USP37: variants seen among roughly 807,000 people sequenced by gnomAD.
USP37 encodes ubiquitin specific peptidase 37.
In USP37, 27 loss-of-function variants were observed where a neutral mutation model predicts 124.0. The observed-to-expected ratio is 0.22, with a 90% CI of 0.16 to 0.30. The LOEUF is 0.30. Ranked by LOEUF, USP37 falls within the 10% of genes least tolerant of loss-of-function variation. The probability of loss-of-function intolerance (pLI) is 1.00; values close to 1 mark genes in which losing one functional copy is unlikely to be tolerated. For missense variants in USP37, 889 were observed against 1,140.4 expected, an observed-to-expected ratio of 0.78 and a Z score of 3.17; for synonymous variants, 365 against 388.0, an observed-to-expected ratio of 0.94 and a Z score of 0.70.
At chr2:218,535,147 C>T (rs1409940591) in intron 8 of USP37, among the ~76,000 whole-genome samples, 1 of 150,920 alleles carries the variant, frequency 6.6e-6, no homozygotes, top group Non-Finnish European at 1.5e-5. Context: ...GGGCAGATCG[C>T]GAGGTCAGGA....
In USP37 at chr2:218,451,572, T is replaced by TTATACATC. The variant is rs3046871; in HGVS notation, c.*3357_*3358insGATGTATA. 6.6e-6 allele frequency: 1 copy of TTATACATC among 152,094 alleles called. No individual in the cohort carries two copies. Among genetic ancestry groups the TTATACATC allele is most frequent in the African/African-American group, 2.4e-5 (1 of 41,402 alleles). The allele number at this position is 152,094 out of a possible 1,614,324, so 9.4% of individuals were successfully genotyped here. A position where few individuals can be genotyped will look rare whatever the true frequency, so the allele number is the denominator to read the frequency against. ...TTTAGGTGTTTGCAGATAATTTTCA[T>TTATACATC]TATATCCGTAGCTGTATGTGTGTAT... On this transcript the variant is annotated 3_prime_UTR_variant, in exon 26 of 26. Coordinates refer to ENST00000258399, the MANE Select transcript of USP37 (RefSeq NM_020935.3).
intron 20 of USP37, among the ~76,000 whole-genome samples, chr2:218,468,137 C>T (rs1690466845): frequency 6.6e-6 from 1 of 151,716 alleles, no homozygotes; most frequent in African/African-American, 2.4e-5. Flanking sequence ...GATCCGCCCA[C>T]CTCGGCCTCC....
At chr2:218,485,578 T>A in intron 16 of USP37, 86 bp downstream of exon 16, 1 of 1,401,176 alleles carries the variant, frequency 7.1e-7, no homozygotes, top group Admixed American at 2.6e-5. Context: ...TTGTATGAAC[T>A]TTAAAAAGAA....
chr2:218,550,399 T>C (rs1692596697), intron 5 of USP37, among the ~76,000 whole-genome samples: 1 of 151,942 alleles, frequency 6.6e-6, no homozygotes, highest in South Asian at 2.1e-4. Flanking sequence ...ATTCAAGGTA[T>C]TGTATAAATA....
chr2:218,460,268 A>G (rs1689940569), intron 22 of USP37, among the ~76,000 whole-genome samples: 1 of 151,946 alleles, frequency 6.6e-6, no homozygotes, highest in Non-Finnish European at 1.5e-5. Flanking sequence ...CAAAAAAAAA[A>G]AAAGTTCTTG....
At chr2:218,494,454 G>A (rs1278082429) in intron 14 of USP37, among the ~76,000 whole-genome samples, 1 of 152,178 alleles carries the variant, frequency 6.6e-6, no homozygotes, top group Admixed American at 6.5e-5. Flanking sequence ...ATAACTAGAT[G>A]TAAACTAGTG....
chr2:218,450,695 C>G lies in USP37; in HGVS notation c.*4235G>C, dbSNP rs971836713. 1.3e-5 allele frequency: 2 copies of G among 152,256 alleles called. No homozygotes were observed. Among genetic ancestry groups the G allele is most frequent in the African/African-American group, 4.8e-5 (2 of 41,450 alleles). 9.4% of individuals were successfully genotyped at this position (152,256 alleles called of 1,614,324 possible). A position where few individuals can be genotyped will look rare whatever the true frequency, so the allele number is the denominator to read the frequency against. On this transcript the variant is annotated 3_prime_UTR_variant, in exon 26 of 26. Coordinates refer to ENST00000258399, the MANE Select transcript of USP37 (RefSeq NM_020935.3). ...TTTTGAAGTAGACCAGTTTAGTTGA[C>G]TGTTCTTCTTTGTTCTGGCATCTGA...
At chr2:218,471,516 CTA>C (rs1270812142) in intron 20 of USP37, among the ~76,000 whole-genome samples, 3 of 152,172 alleles carry the variant, frequency 2.0e-5, no homozygotes, top group Non-Finnish European at 1.5e-5. Context: ...ATTCATATCT[CTA>C]GTCTGAATTT....
rs1466723341 is a variant in USP37, at chr2:218,530,018, T to A, written c.801A>T (p.Ser267=). 1 of 1,612,718 alleles carries A rather than the reference T, an allele frequency of 6.2e-7. No individual in the cohort carries two copies. The highest frequency in any genetic ancestry group is 1.1e-5 in the South Asian group (1 of 90,956). Residue 267 remains serine (S), a synonymous_variant, in exon 10 of 26, where the codon TCA becomes TCT. Transcript: ENST00000258399. ...RTSGLLPLQS[S]SFYGSRAGSK... ...ATCCAGCTCTGCTACCATAAAAGGA[T>A]GATGACTGTAAAGGTAAAAGCCCTA...
rs538023275 is a variant in USP37, at chr2:218,565,261, C to A, written c.-229-2448G>T. On this transcript the variant is annotated intron_variant, in intron 1 of 25. Coordinates refer to ENST00000258399, the MANE Select transcript of USP37 (RefSeq NM_020935.3). ...TTCTTTGTCATTCACCAACAACTGA[C>A]TTAAATATGGAATTTTGCTTTATTT... is the stretch of plus-strand genomic sequence containing the variant. 3.9e-5 allele frequency among the ~76,000 whole-genome samples: 6 copies of A among 152,282 alleles called. 1 individual carries two copies. In the South Asian group the frequency reaches 1.2e-3, roughly 32 times the overall value.
chr2:218,538,113 C>T (rs558550249), intron 8 of USP37, among the ~76,000 whole-genome samples: 3 of 152,286 alleles, frequency 2.0e-5, no homozygotes, highest in South Asian at 2.1e-4. Context: ...CAAGCTGAAA[C>T]GAGGAATAAA....
intron 6 of USP37, 110 bp downstream of exon 6, chr2:218,549,699 G>C: frequency 1.1e-6 from 1 of 911,812 alleles, no homozygotes; most frequent in Non-Finnish European, 1.6e-6. Flanking sequence ...TCCTGACCTC[G>C]GGTGATCCAC....
At chr2:218,535,364 T>G (rs1691567348) in intron 8 of USP37, among the ~76,000 whole-genome samples, 1 of 145,190 alleles carries the variant, frequency 6.9e-6, no homozygotes, top group Non-Finnish European at 1.5e-5. Flanking sequence ...AGTCTTAGTC[T>G]TAAAAAAAAA....
intron 11 of USP37, among the ~76,000 whole-genome samples, chr2:218,506,007 G>A (rs1689659677): frequency 6.6e-6 from 1 of 151,868 alleles, no homozygotes; most frequent in South Asian, 2.1e-4. Flanking sequence ...GGGACCAGAG[G>A]TGCACGCCAC....
At chr2:218,560,564 T>G (rs1036098063) in intron 3 of USP37, among the ~76,000 whole-genome samples, 3 of 152,202 alleles carry the variant, frequency 2.0e-5, no homozygotes, top group Non-Finnish European at 4.4e-5. Flanking sequence ...AAATACAATG[T>G]TAACAGGAGT....
intron 4 of USP37, among the ~76,000 whole-genome samples, chr2:218,557,148 C>A (rs1463293620): frequency 6.6e-6 from 1 of 152,204 alleles, no homozygotes; most frequent in African/African-American, 2.4e-5. Context: ...GGATTACAGG[C>A]ATGAGCCACT....
intron 4 of USP37, among the ~76,000 whole-genome samples, chr2:218,556,061 T>C (rs1692952043): frequency 6.6e-6 from 1 of 152,202 alleles, no homozygotes; most frequent in Admixed American, 6.5e-5. Context: ...AATAAAGTCA[T>C]CTGCCTAGCC....
At chr2:218,547,790 G>A (rs1457180948) in intron 6 of USP37, among the ~76,000 whole-genome samples, 2 of 152,114 alleles carry the variant, frequency 1.3e-5, no homozygotes, top group Non-Finnish European at 2.9e-5. Flanking sequence ...ACATATGATA[G>A]GGAAAAGGAA....
intron 14 of USP37, among the ~76,000 whole-genome samples, chr2:218,489,861 T>A (rs913726543): frequency 2.0e-5 from 3 of 152,228 alleles, no homozygotes; most frequent in African/African-American, 7.2e-5. Flanking sequence ...TTATGCAATA[T>A]GTTTTCTTTT....
Sources: allele counts gnomAD v4.1 joint callset (sites outside exome capture counted in the v4.1 genomes callset), GRCh38; gene constraint gnomAD v4.1.1; transcripts MANE v1.5; gene names NCBI Gene and HGNC (gene_info 2026-07-23, HGNC 2026-07-21).